Variants in ANTXR1 observed in about 807,000 individuals in gnomAD.
ANTXR1 encodes anthrax toxin receptor 1.
ANTXR1 carries 19 observed loss-of-function variants against 78.1 expected under a neutral mutation model. That is an observed-to-expected ratio of 0.24 (90% CI 0.17 to 0.36). ANTXR1 has a LOEUF of 0.36. Among genes scored for constraint, ANTXR1 ranks in the 10% least tolerant of loss-of-function variants. The probability of loss-of-function intolerance (pLI) is 1.00; values close to 1 mark genes in which losing one functional copy is unlikely to be tolerated. For missense variants in ANTXR1, 518 were observed against 718.6 expected (o/e 0.72, Z 3.19); for synonymous variants, 273 against 260.5 (o/e 1.05, Z -0.46).
chr2:69,075,686 G>T (rs375083498), intron 7 of ANTXR1, 28 bp downstream of exon 7: 4 of 1,593,308 alleles, frequency 2.5e-6, no homozygotes, highest in Non-Finnish European at 1.7e-6. Context: ...CTCAGGTTTG[G>T]AGCATACTGA....
intron 17 of ANTXR1, among the ~76,000 whole-genome samples, chr2:69,228,604 C>T (rs1180679421): frequency 1.3e-5 from 2 of 152,162 alleles, no homozygotes; most frequent in Admixed American, 6.5e-5. Flanking sequence ...TTTAGGAGAA[C>T]AAAATGAGTT....
chr2:69,208,654 C>T (rs1043046629), intron 17 of ANTXR1, among the ~76,000 whole-genome samples: 7 of 152,150 alleles, frequency 4.6e-5, no homozygotes, highest in Admixed American at 6.5e-5. Context: ...CTGTTGGACA[C>T]GCTGGTCCAG....
intron 10 of ANTXR1, among the ~76,000 whole-genome samples, chr2:69,119,594 G>A (rs933484046): frequency 6.6e-6 from 1 of 152,230 alleles, no homozygotes; most frequent in Non-Finnish European, 1.5e-5. Flanking sequence ...CCTCTGGCTT[G>A]CGGTGCAACC....
intron 6 of ANTXR1, among the ~76,000 whole-genome samples, chr2:69,074,445 G>A (rs1214484907): frequency 6.6e-6 from 1 of 152,128 alleles, no homozygotes; most frequent in Non-Finnish European, 1.5e-5. Context: ...GGAATTTTAG[G>A]TATGGCACAT....
At chr2:69,097,876 T>G (rs919551128) in intron 9 of ANTXR1, among the ~76,000 whole-genome samples, 13 of 152,254 alleles carry the variant, frequency 8.5e-5, no homozygotes, top group Non-Finnish European at 1.6e-4. Context: ...AGTTTACCTG[T>G]AGAATGCACT....
At chr2:69,040,520 T>C (rs1469725252) in intron 2 of ANTXR1, among the ~76,000 whole-genome samples, 1 of 152,202 alleles carries the variant, frequency 6.6e-6, no homozygotes, top group Non-Finnish European at 1.5e-5. Flanking sequence ...TTCCCAGTTT[T>C]AGCACTGAAA....
At chr2:69,145,737 C>T (rs1673206969) in intron 12 of ANTXR1, 13 of 1,044,588 alleles carry the variant, frequency 1.2e-5, no homozygotes, top group Non-Finnish European at 1.5e-5. Flanking sequence ...CCATTCTATC[C>T]TCCTCCCTTT....
chr2:69,203,668 C>T (rs1476925937), intron 17 of ANTXR1, among the ~76,000 whole-genome samples: 3 of 152,092 alleles, frequency 2.0e-5, no homozygotes, highest in African/African-American at 7.2e-5. Flanking sequence ...CTCTCCCTCT[C>T]TTCCAATCCT....
intron 12 of ANTXR1, among the ~76,000 whole-genome samples, chr2:69,125,771 G>C (rs1173594938): frequency 3.9e-5 from 6 of 152,072 alleles, no homozygotes; most frequent in Admixed American, 6.5e-5. Context: ...AGCCCGAGAG[G>C]TGGAGGTTGC....
At chr2:69,214,604 TTGTCTCTCCCC>T in intron 17 of ANTXR1, among the ~76,000 whole-genome samples, 1 of 152,296 alleles carries the variant, frequency 6.6e-6, no homozygotes, top group African/African-American at 2.4e-5. Context: ...CAGGATGAGG[TTGTCTCTCCCC>T]TGTTTCTCCA....
Position 69,070,723 on chromosome 2 carries a change from G to C in ANTXR1, c.373G>C (p.Glu125Gln). ...GGDTYMHEGF[E>Q]RASEQIYYEN... ...AGACACTTACATGCATGAAGGATTT[G>C]AAAGGGTAATTTTAAAACAGTTTGA... is the stretch of plus-strand genomic sequence containing the variant. The change falls in exon 4 of 18, where the codon GAA becomes CAA. Residue 125 changes from glutamate (E) to glutamine (Q), a missense_variant. By Grantham distance (29) the Glu-to-Gln change is conservative. This residue lies in a region of ANTXR1 where 264 missense variants were observed against 391.8 expected (regional missense o/e 0.67). Transcript: ENST00000303714. The C allele has an allele frequency of 6.2e-7, 1 of 1,613,912 alleles. No individual in the cohort carries two copies. The highest frequency in any genetic ancestry group is 1.7e-4 in the Middle Eastern group (1 of 6,060).
chr2:69,112,924 G>A (rs1252973961), intron 10 of ANTXR1, among the ~76,000 whole-genome samples: 1 of 152,178 alleles, frequency 6.6e-6, no homozygotes, highest in Non-Finnish European at 1.5e-5. Flanking sequence ...GGACAAAAGG[G>A]AAGTCGCCAC....
intron 8 of ANTXR1, among the ~76,000 whole-genome samples, chr2:69,079,818 G>A (rs907373412): frequency 2.0e-5 from 3 of 152,312 alleles, no homozygotes; most frequent in Non-Finnish European, 2.9e-5. Context: ...CTGTTCAGAC[G>A]TTCTTATGAG....
intron 9 of ANTXR1, among the ~76,000 whole-genome samples, chr2:69,096,119 G>A (rs986103689): frequency 2.0e-5 from 3 of 151,784 alleles, no homozygotes; most frequent in Non-Finnish European, 2.9e-5. Flanking sequence ...TGAGCCAGGC[G>A]TGGTGGCGGG....
At chr2:69,175,401 G>A in intron 14 of ANTXR1, among the ~76,000 whole-genome samples, 1 of 149,466 alleles carries the variant, frequency 6.7e-6, no homozygotes, top group South Asian at 2.1e-4. Flanking sequence ...GGGGCCAGGA[G>A]TTCGAGACCA....
chr2:69,124,698 C>A (rs368767661), intron 12 of ANTXR1, 55 bp downstream of exon 12: 2 of 1,585,480 alleles, frequency 1.3e-6, no homozygotes, highest in Non-Finnish European at 1.7e-6. Flanking sequence ...TCACTATCAA[C>A]GTTTCTTAAG....
rs753212809 is a variant in ANTXR1 at position 69,203,754 on chromosome 2, CCAT to C, written c.1434+10361_1434+10363del. On this transcript the variant is annotated intron_variant, in intron 17 of 17. Coordinates refer to ENST00000303714, the MANE Select transcript of ANTXR1 (RefSeq NM_032208.3). Reference sequence around the variant, plus strand: ...ACATTCCTCCTCCTCCTTATTATCACCATCATCATCATCATCATCATCATTTTG... The same window carrying C: ...ACATTCCTCCTCCTCCTTATTATCACCATCATCATCATCATCATCATTTTG... 4.6e-4 allele frequency among the ~76,000 whole-genome samples: 69 copies of C among 151,502 alleles called. 1 individual carries two copies. Among genetic ancestry groups the C allele is most frequent in the African/African-American group, 8.2e-4 (34 of 41,320 alleles).
chr2:69,207,425 G>A (rs1674932972), intron 17 of ANTXR1, among the ~76,000 whole-genome samples: 1 of 152,212 alleles, frequency 6.6e-6, no homozygotes, highest in African/African-American at 2.4e-5. Context: ...AATGGGGGAT[G>A]TGATTTGACT....
chr2:69,162,031 A>T (rs1673696241), intron 13 of ANTXR1, among the ~76,000 whole-genome samples: 1 of 152,210 alleles, frequency 6.6e-6, no homozygotes, highest in Non-Finnish European at 1.5e-5. Flanking sequence ...GGAAAAAAAA[A>T]AATCCATTAC....
Sources: gnomAD v4.1 joint callset for allele counts (sites outside exome capture counted in the v4.1 genomes callset) on GRCh38, gnomAD v4.1.1 for gene constraint, gnomAD v4.1.1 regional missense constraint, MANE v1.5 for transcripts, NCBI Gene and HGNC (gene_info 2026-07-23, HGNC 2026-07-21) for gene names.